STPG2: variants seen among roughly 807,000 people sequenced by gnomAD.
The protein encoded by STPG2 is sperm-tail PG-rich repeat-containing protein 2.
Under a neutral mutation model 54.2 loss-of-function variants are expected in STPG2, and 56 were observed. That is an observed-to-expected ratio of 1.03 (90% CI 0.83 to 1.29). STPG2 has a LOEUF of 1.29. Ranked by LOEUF, STPG2 falls within the 50% of genes most tolerant of loss-of-function variation. The probability of loss-of-function intolerance (pLI) is 0.00; values close to 1 mark genes in which losing one functional copy is unlikely to be tolerated. For synonymous variants in STPG2, 200 were observed against 181.8 expected (o/e 1.10, Z -0.81); for missense variants, 596 against 544.9 (o/e 1.09, Z -0.93).
At chr4:97,471,363 A>T (rs1307319901) in intron 4 of STPG2, among the ~76,000 whole-genome samples, 4 of 152,162 alleles carry the variant, frequency 2.6e-5, no homozygotes, top group African/African-American at 4.8e-5. Flanking sequence ...TGTGTCAGTT[A>T]TCTGAGTAAA....
chr4:98,138,448 T>C (rs1384305354), intron 1 of STPG2, among the ~76,000 whole-genome samples: 2 of 152,076 alleles, frequency 1.3e-5, no homozygotes, highest in African/African-American at 4.8e-5. Context: ...TAAATCAAAC[T>C]GGTATGAAGC....
intron 10 of STPG2, among the ~76,000 whole-genome samples, chr4:97,590,185 T>A (rs1733101058): frequency 6.6e-6 from 1 of 152,136 alleles, no homozygotes; most frequent in African/African-American, 2.4e-5. Context: ...ATATAATTTA[T>A]ATATGCATAG....
At chr4:97,488,385 G>A (rs943024587) in intron 4 of STPG2, among the ~76,000 whole-genome samples, 1 of 151,652 alleles carries the variant, frequency 6.6e-6, no homozygotes, top group Non-Finnish European at 1.5e-5. Flanking sequence ...GAAAACTGAG[G>A]AACAGAAAGA....
chr4:97,459,443 T>TC (rs1475169061), intron 4 of STPG2, among the ~76,000 whole-genome samples: 1 of 148,000 alleles, frequency 6.8e-6, no homozygotes, highest in African/African-American at 2.5e-5. Context: ...TTTTTTTGTT[T>TC]TTTTTTTTTT....
intron 10 of STPG2, among the ~76,000 whole-genome samples, chr4:97,693,532 A>T (rs1370573407): frequency 6.6e-6 from 1 of 152,188 alleles, no homozygotes; most frequent in Non-Finnish European, 1.5e-5. Flanking sequence ...CAAATTTATA[A>T]AACAATTACT....
At chr4:97,567,711 CAT>C (rs942666730) in intron 10 of STPG2, among the ~76,000 whole-genome samples, 36 of 151,800 alleles carry the variant, frequency 2.4e-4, no homozygotes, top group African/African-American at 8.0e-4. Context: ...TCTTCATTAA[CAT>C]GTGTAAAACA....
At position 97,904,709 on chromosome 4, in the gene STPG2, A is replaced by C. The variant is rs910571142; in HGVS notation, c.1044+39188T>G. Among the ~76,000 whole-genome samples the C allele has an allele frequency of 1.4e-4, 22 of 152,342 alleles. No individual in the cohort carries two copies. The South Asian group carries it at 1.9e-3, about 13-fold the overall frequency. ...AAGGCAAAGAAGTTGAAAACTTTGA[A>C]AAAAATTTAGAAGAATGTATAACTA... On this transcript the variant is annotated intron_variant, in intron 8 of 10. Transcript: ENST00000295268.
chr4:97,743,828 G>T (rs1216838496), intron 9 of STPG2, among the ~76,000 whole-genome samples: 4 of 151,516 alleles, frequency 2.6e-5, no homozygotes, highest in African/African-American at 9.7e-5. Context: ...CTTCCCAAAA[G>T]AGGACATTTT....
chr4:97,583,266 G>A (rs959705872), intron 10 of STPG2, among the ~76,000 whole-genome samples: 2 of 151,884 alleles, frequency 1.3e-5, no homozygotes, highest in South Asian at 2.1e-4. Flanking sequence ...AGTAGCAATG[G>A]AAGAGGTGTT....
At chr4:98,042,789 A>C (rs781216144) in intron 5 of STPG2, among the ~76,000 whole-genome samples, 1 of 151,986 alleles carries the variant, frequency 6.6e-6, no homozygotes, top group Non-Finnish European at 1.5e-5. Flanking sequence ...GCAGTTATTG[A>C]GTAGAATATT....
chr4:97,988,026 T>TCACACACA lies in STPG2; in HGVS notation c.613-6716_613-6709dup, dbSNP rs3047311. 6.2e-3 allele frequency among the ~76,000 whole-genome samples: 885 copies of TCACACACA among 141,690 alleles called. 11 individuals are homozygous for TCACACACA. The highest frequency in any genetic ancestry group is 0.021 in the Middle Eastern group (6 of 286). 93.0% of individuals were successfully genotyped at this position (141,690 alleles called of 152,430 possible). A position where few individuals can be genotyped will look rare whatever the true frequency, so the allele number is the denominator to read the frequency against. ...TCAAATCCTTAATATGGTCTGAATG[T>TCACACACA]CACACACACACACACACACACACAC... On this transcript the variant is annotated intron_variant, in intron 5 of 10. Transcript: ENST00000295268.
At chr4:97,609,080 T>A (rs533108801) in intron 10 of STPG2, among the ~76,000 whole-genome samples, 2 of 152,116 alleles carry the variant, frequency 1.3e-5, no homozygotes, top group African/African-American at 4.8e-5. Context: ...TAATTCTATA[T>A]GTTTACAAAT....
At chr4:98,091,148 C>T (rs1268811122) in intron 5 of STPG2, among the ~76,000 whole-genome samples, 2 of 151,974 alleles carry the variant, frequency 1.3e-5, no homozygotes, top group African/African-American at 2.4e-5. Flanking sequence ...AATGCTAACA[C>T]CTAAGTATTT....
chr4:97,729,836 T>C (rs575073269), intron 9 of STPG2, among the ~76,000 whole-genome samples: 2 of 152,094 alleles, frequency 1.3e-5, no homozygotes, highest in South Asian at 2.1e-4. Flanking sequence ...TGCCTTTTTT[T>C]CCTGCTATTG....
chr4:97,949,528 TTCTA>T (rs747359128), intron 7 of STPG2, among the ~76,000 whole-genome samples: 2 of 152,158 alleles, frequency 1.3e-5, no homozygotes, highest in Admixed American at 6.5e-5. Flanking sequence ...TTGCAAGAGG[TTCTA>T]TTCTGGTGCA....
At chr4:97,886,457 T>C (rs1265110847) in intron 8 of STPG2, among the ~76,000 whole-genome samples, 1 of 152,066 alleles carries the variant, frequency 6.6e-6, no homozygotes, top group Admixed American at 6.5e-5. Flanking sequence ...ACATGCAAAA[T>C]CTAAGGGAAC....
chr4:97,591,477 CAAAAG>C (rs1733145267), intron 10 of STPG2, among the ~76,000 whole-genome samples: 1 of 152,024 alleles, frequency 6.6e-6, no homozygotes, highest in Non-Finnish European at 1.5e-5. Context: ...ATTTCTGAAG[CAAAAG>C]GAAAGGAAGT....
chr4:97,786,926 T>G (rs1290744303), intron 9 of STPG2, among the ~76,000 whole-genome samples: 1 of 152,136 alleles, frequency 6.6e-6, no homozygotes, highest in Non-Finnish European at 1.5e-5. Flanking sequence ...TATATAGGTA[T>G]GTATCTATAG....
chr4:97,653,115 G>GA (rs1553946793), intron 10 of STPG2, among the ~76,000 whole-genome samples: 35,865 of 144,632 alleles, frequency 0.25, 4,511 homozygotes, highest in Middle Eastern at 0.32. Context: ...AGATAGATAG[G>GA]TAGATAGATA....
Sources: allele counts gnomAD v4.1 joint callset (sites outside exome capture counted in the v4.1 genomes callset), GRCh38; gene constraint gnomAD v4.1.1; transcripts MANE v1.5; gene names NCBI Gene and HGNC (gene_info 2026-07-23, HGNC 2026-07-21).